HP1BP3: variants seen among roughly 807,000 people sequenced by gnomAD.
HP1BP3 encodes heterochromatin protein 1-binding protein 3.
In HP1BP3, 12 loss-of-function variants were observed where a neutral mutation model predicts 62.5. That is an observed-to-expected ratio of 0.19 (90% CI 0.12 to 0.31). The LOEUF (loss-of-function observed/expected upper bound fraction) is 0.31. Among genes scored for constraint, HP1BP3 ranks in the 10% least tolerant of loss-of-function variants. The probability of loss-of-function intolerance (pLI) is 1.00; values close to 1 mark genes in which losing one functional copy is unlikely to be tolerated. For synonymous variants in HP1BP3, 260 were observed against 237.8 expected (o/e 1.09, Z -0.86); for missense variants, 502 against 651.8 (o/e 0.77, Z 2.50).
chr1:20,781,788 A>G (rs1323907918), intron 1 of HP1BP3, among the ~76,000 whole-genome samples: 1 of 152,062 alleles, frequency 6.6e-6, no homozygotes, highest in East Asian at 1.9e-4. Flanking sequence ...CACCATGCCC[A>G]GCTAATTTTG....
chr1:20,782,066 C>T (rs190287768), intron 1 of HP1BP3, among the ~76,000 whole-genome samples: 109 of 152,288 alleles, frequency 7.2e-4, no homozygotes, highest in African/African-American at 2.3e-3. Flanking sequence ...TCTTAACCCA[C>T]GATAACACTA....
At position 20,773,578 on chromosome 1, in the gene HP1BP3, T is replaced by G; in HGVS notation, c.383A>C (p.Lys128Thr). The G allele has an allele frequency of 6.2e-7, 1 of 1,608,992 alleles. No individual in the cohort carries two copies. Among genetic ancestry groups the G allele is most frequent in the South Asian group, 1.1e-5 (1 of 90,344 alleles). The change falls in exon 5 of 13, where the codon AAA becomes ACA. Residue 128 changes from lysine to threonine, a missense_variant. Transcript: ENST00000438032. ...CCAGGAAGGAATTGTTTTTTTCACT[T>G]TCTTCTCCTTTTCTTTAGACTGATC... Reference protein sequence around the residue: ...EKDQSKEKEKKVKKTIPSWAT... With the variant: ...EKDQSKEKEKTVKKTIPSWAT...
Position 20,742,729 on chromosome 1 carries a change from A to T in HP1BP3, c.*2068T>A, listed in dbSNP as rs2055117686. 1 of 152,640 alleles carries T rather than the reference A, an allele frequency of 6.6e-6. No individual in the cohort carries two copies. The highest frequency in any genetic ancestry group is 1.5e-5 in the Non-Finnish European group (1 of 68,048). 9.5% of individuals were successfully genotyped at this position (152,640 alleles called of 1,614,324 possible). A position where few individuals can be genotyped will look rare whatever the true frequency, so the allele number is the denominator to read the frequency against. On this transcript the variant is annotated 3_prime_UTR_variant, in exon 13 of 13. Coordinates refer to ENST00000438032, the MANE Select transcript of HP1BP3 (RefSeq NM_001372052.1). The stretch of plus-strand genomic sequence containing the variant: ...ATATTTTTCAAAATATATGTACATT[A>T]AAAAAGGAAGATTTACAACAGGAAA...
At chr1:20,749,278 G>C (rs1570549971) in intron 10 of HP1BP3, among the ~76,000 whole-genome samples, 1 of 151,306 alleles carries the variant, frequency 6.6e-6, no homozygotes, top group Non-Finnish European at 1.5e-5. Context: ...AATTTGTAAA[G>C]CTGTTCCCTC....
intron 6 of HP1BP3, among the ~76,000 whole-genome samples, chr1:20,768,180 C>T (rs2154540829): frequency 6.6e-6 from 1 of 152,298 alleles, no homozygotes; most frequent in African/African-American, 2.4e-5. Flanking sequence ...GGCGCGGTGG[C>T]TCATGCCTGT....
At chr1:20,749,018 A>AT (rs1156873558) in intron 10 of HP1BP3, among the ~76,000 whole-genome samples, 1 of 152,206 alleles carries the variant, frequency 6.6e-6, no homozygotes, top group Non-Finnish European at 1.5e-5. Context: ...GCTTAGGTTA[A>AT]TAAGAAATAA....
intron 8 of HP1BP3, among the ~76,000 whole-genome samples, chr1:20,760,390 T>G (rs1036756676): frequency 6.6e-6 from 1 of 152,156 alleles, no homozygotes; most frequent in East Asian, 1.9e-4. Flanking sequence ...ATTTAAAAAC[T>G]ACTAGCTGTG....
chr1:20,760,834 T>C (rs975771469), intron 8 of HP1BP3, among the ~76,000 whole-genome samples: 2 of 152,204 alleles, frequency 1.3e-5, no homozygotes, highest in Admixed American at 6.5e-5. Context: ...AGATTCCTTC[T>C]CAAATAAATA....
chr1:20,745,540 C>A lies in HP1BP3; in HGVS notation c.1367+3G>T, dbSNP rs200707057. 3 of 1,613,958 alleles carry A rather than the reference C, an allele frequency of 1.9e-6. No homozygotes were observed. Among genetic ancestry groups the A allele is most frequent in the African/African-American group, 2.7e-5 (2 of 74,920 alleles). ...CCCACAAGGGGTTTTCACATGTCCA[C>A]ACCTTCTCTTAGGTGGCGGCTCTTC... On this transcript the variant is annotated splice_donor_region_variant and intron_variant, in intron 12 of 12. Coordinates refer to ENST00000438032, the MANE Select transcript of HP1BP3 (RefSeq NM_001372052.1).
chr1:20,758,532 A>G, intron 8 of HP1BP3, among the ~76,000 whole-genome samples: 1 of 152,028 alleles, frequency 6.6e-6, no homozygotes, highest in African/African-American at 2.4e-5. Flanking sequence ...ACTTTTAGTA[A>G]AGACGGGGTT....
At chr1:20,759,722 G>A (rs1423317559) in intron 8 of HP1BP3, among the ~76,000 whole-genome samples, 1 of 152,048 alleles carries the variant, frequency 6.6e-6, no homozygotes, top group Non-Finnish European at 1.5e-5. Flanking sequence ...AAAAACTTAA[G>A]GAAGTAAAGG....
At chr1:20,767,902 A>T (rs1269346952) in intron 6 of HP1BP3, among the ~76,000 whole-genome samples, 1 of 152,162 alleles carries the variant, frequency 6.6e-6, no homozygotes, top group Admixed American at 6.6e-5. Context: ...TTGTTTTCTC[A>T]TCTACAAAAT....
intron 4 of HP1BP3, chr1:20,776,199 C>A: frequency 2.0e-6 from 1 of 489,662 alleles, no homozygotes; most frequent in Non-Finnish European, 3.5e-6. Context: ...CTAACATAAG[C>A]ACACAAAAAC....
chr1:20,765,559 T>C (rs776377176), intron 7 of HP1BP3, 28 bp from the exon 8 acceptor site: 2 of 1,582,628 alleles, frequency 1.3e-6, no homozygotes, highest in African/African-American at 1.4e-5. Flanking sequence ...AAAATTATGA[T>C]CATTATAGAA....
At chr1:20,762,152 AC>A (rs1482375523) in intron 8 of HP1BP3, among the ~76,000 whole-genome samples, 1 of 152,178 alleles carries the variant, frequency 6.6e-6, no homozygotes, top group Non-Finnish European at 1.5e-5. Flanking sequence ...ATATGAAAGG[AC>A]TCCATTATAA....
At position 20,771,007 on chromosome 1, in the gene HP1BP3, A is replaced by G. The variant is rs1362482753; in HGVS notation, c.577T>C (p.Ser193Pro). 1.2e-6 allele frequency: 2 copies of G among 1,611,448 alleles called. No homozygotes were observed. The highest frequency in any genetic ancestry group is 8.5e-7 in the Non-Finnish European group (1 of 1,178,442). The part of the protein sequence containing the change: ...IRKYIIHKYP[S>P]LELERRGYLL... ...TAACCCCTTCTCTCCAGCTCCAGAG[A>G]AGGATACTTATGGATGATGTATTTT... is the stretch of plus-strand genomic sequence containing the variant. The change falls in exon 6 of 13, where the codon TCT becomes CCT. Residue 193 changes from serine to proline, a missense_variant. This residue lies in a region of HP1BP3 where 111 missense variants were observed against 242.0 expected (regional missense o/e 0.46). Transcript: ENST00000438032.
In HP1BP3 at chr1:20,744,873, G is replaced by T. The variant is rs749720784; in HGVS notation, c.1586C>A (p.Thr529Asn). 6.2e-7 allele frequency: 1 copy of T among 1,614,122 alleles called. No individual in the cohort carries two copies. The highest frequency in any genetic ancestry group is 1.3e-5 in the African/African-American group (1 of 75,018). Residue 529 changes from threonine (T) to asparagine (N), a missense_variant, in exon 13 of 13, where the codon ACC becomes AAC. By Grantham distance (65) the Thr-to-Asn change is moderately conservative. Around this residue, in one of 5 missense-constraint regions of HP1BP3, gnomAD observed 194 missense variants for 207.0 expected, o/e 0.94. Coordinates refer to ENST00000438032, the MANE Select transcript of HP1BP3 (RefSeq NM_001372052.1). ...PSGGSSKKPA[T>N]SARKEVKLPG... ...CAATTTTACTTCCTTTCTTGCACTG[G>T]TTGCAGGCTTCTTTGAGGAGCCACC...
chr1:20,768,302 C>T (rs954938396), intron 6 of HP1BP3, among the ~76,000 whole-genome samples: 1 of 151,768 alleles, frequency 6.6e-6, no homozygotes, highest in Non-Finnish European at 1.5e-5. Context: ...AAAAATTAGC[C>T]GGGCGTGGTG....
At chr1:20,746,483 A>C (rs2055343607) in intron 11 of HP1BP3, among the ~76,000 whole-genome samples, 1 of 152,228 alleles carries the variant, frequency 6.6e-6, no homozygotes, top group Non-Finnish European at 1.5e-5. Flanking sequence ...TAATATAAGA[A>C]AGTTACACAA....
Sources: allele counts gnomAD v4.1 joint callset (sites outside exome capture counted in the v4.1 genomes callset), GRCh38; gene constraint gnomAD v4.1.1; regional missense constraint gnomAD v4.1.1; transcripts MANE v1.5; gene names NCBI Gene and HGNC (gene_info 2026-07-23, HGNC 2026-07-21).